VWA3B: variants seen among roughly 807,000 people sequenced by gnomAD.
VWA3B encodes von Willebrand factor A domain-containing protein 3B.
Under a neutral mutation model 158.3 loss-of-function variants are expected in VWA3B, and 138 were observed. The observed-to-expected ratio is 0.87, with a 90% CI of 0.76 to 1.00. VWA3B has a LOEUF of 1.00. VWA3B is among the 50% of genes least tolerant of loss of function. The pLI is 0.00. For synonymous variants in VWA3B, 596 were observed against 587.3 expected (o/e 1.01, Z -0.21); for missense variants, 1,555 against 1,565.1 (o/e 0.99, Z 0.11).
At chr2:98,165,153 G>T (rs1678960764) in intron 8 of VWA3B, among the ~76,000 whole-genome samples, 2 of 152,184 alleles carry the variant, frequency 1.3e-5, no homozygotes, top group South Asian at 4.1e-4. Flanking sequence ...TTTCCTTTGG[G>T]GCACACCTGG....
chr2:98,307,781 T>C (rs913621221), intron 26 of VWA3B, among the ~76,000 whole-genome samples: 1 of 152,252 alleles, frequency 6.6e-6, no homozygotes, highest in African/African-American at 2.4e-5. Flanking sequence ...AGACATGTAC[T>C]GTAGGTTACA....
At chr2:98,139,958 G>T (rs556156392) in intron 7 of VWA3B, among the ~76,000 whole-genome samples, 1 of 152,196 alleles carries the variant, frequency 6.6e-6, no homozygotes, top group East Asian at 1.9e-4. Flanking sequence ...CACCGCAAAG[G>T]TCTGCAGCTT....
intron 7 of VWA3B, among the ~76,000 whole-genome samples, chr2:98,135,909 T>A (rs187676004): frequency 6.9e-4 from 105 of 152,340 alleles, no homozygotes; most frequent in African/African-American, 2.5e-3. Context: ...CCTGATCACA[T>A]CTCTCTCCGT....
intron 12 of VWA3B, among the ~76,000 whole-genome samples, chr2:98,199,050 G>A (rs2105460637): frequency 6.7e-6 from 1 of 149,776 alleles, no homozygotes; most frequent in African/African-American, 2.5e-5. Context: ...TGGCGCCACT[G>A]CACTCCATCC....
intron 22 of VWA3B, among the ~76,000 whole-genome samples, chr2:98,271,224 A>C (rs140155506): frequency 3.7e-4 from 57 of 152,300 alleles, no homozygotes; most frequent in Non-Finnish European, 6.9e-4. Flanking sequence ...TTGGTTACTC[A>C]GTCTCTTTAA....
Position 98,128,424 on chromosome 2 carries a change from G to A in VWA3B, c.872+16G>A. On this transcript the variant is annotated intron_variant, in intron 6 of 27. Coordinates refer to ENST00000477737, the MANE Select transcript of VWA3B (RefSeq NM_144992.5). ...CCCACAGCAGGTAGGCAGAAAATGT[G>A]CTCTTGAGTGACAGCAAGCGGGTTG... 1.9e-6 allele frequency: 3 copies of A among 1,608,016 alleles called. No individual in the cohort carries two copies. In the South Asian group the frequency reaches 3.3e-5, roughly 18 times the overall value.
rs781556820 is a variant in VWA3B, at chr2:98,236,448, G to A, written c.2487G>A (p.Thr829=). The change falls in exon 18 of 28, where the codon ACG becomes ACA. Residue 829 remains threonine (T), a synonymous_variant. Coordinates refer to ENST00000477737, the MANE Select transcript of VWA3B (RefSeq NM_144992.5). ...WLDDKSSEKV[T]REGSQVYDHD... is the part of the protein sequence containing the mutation. ...ATGACAAATCGTCAGAAAAGGTGAC[G>A]CGAGAAGGAAGCCAGGTTTATGACC... The A allele has an allele frequency of 3.1e-5, 50 of 1,614,224 alleles. No individual in the cohort carries two copies. The highest frequency in any genetic ancestry group is 1.6e-4 in the Middle Eastern group (1 of 6,062).
intron 5 of VWA3B, 46 bp downstream of exon 5, chr2:98,121,504 C>T: frequency 6.3e-7 from 1 of 1,595,700 alleles, no homozygotes; most frequent in Non-Finnish European, 8.6e-7. Flanking sequence ...AGGTGGCTTC[C>T]AGCTTAACTC....
At chr2:98,269,794 T>G (rs1412337192) in intron 21 of VWA3B, among the ~76,000 whole-genome samples, 1 of 152,238 alleles carries the variant, frequency 6.6e-6, no homozygotes, top group Non-Finnish European at 1.5e-5. Context: ...TGTAGGGGAA[T>G]GAGGGCCTGG....
intron 7 of VWA3B, among the ~76,000 whole-genome samples, chr2:98,161,999 G>A (rs1040150314): frequency 4.6e-5 from 7 of 152,132 alleles, no homozygotes; most frequent in Non-Finnish European, 7.4e-5. Flanking sequence ...GTATGCCACC[G>A]TGCCCAGCCT....
At chr2:98,219,832 TA>T (rs1273200693) in intron 14 of VWA3B, among the ~76,000 whole-genome samples, 1 of 152,024 alleles carries the variant, frequency 6.6e-6, no homozygotes, top group Non-Finnish European at 1.5e-5. Context: ...GGACTGAAAA[TA>T]TCTTTCAAAG....
chr2:98,148,852 T>C lies in VWA3B; in HGVS notation c.989-13999T>C, dbSNP rs1013362153. On this transcript the variant is annotated intron_variant, in intron 7 of 27. Transcript: ENST00000477737. ...TCTCTTTCTAGTCTGAGGTTGGTCATGACCATTTGACCATGATTTGTTTTT... is the reference window on the plus strand; with the variant it reads ...TCTCTTTCTAGTCTGAGGTTGGTCACGACCATTTGACCATGATTTGTTTTT... 3.9e-5 allele frequency among the ~76,000 whole-genome samples: 6 copies of C among 152,232 alleles called. No individual in the cohort carries two copies. In the East Asian group the frequency reaches 1.2e-3, roughly 29 times the overall value.
chr2:98,302,981 A>T (rs1250337146), intron 25 of VWA3B, among the ~76,000 whole-genome samples: 1 of 152,186 alleles, frequency 6.6e-6, no homozygotes. Flanking sequence ...CCTTGGAGAA[A>T]ATGGAGTTTC....
Position 98,230,214 on chromosome 2 carries a change from G to C in VWA3B, c.2308+7G>C, listed in dbSNP as rs757725548. The C allele has an allele frequency of 6.5e-7, 1 of 1,547,520 alleles. No homozygotes were observed. On this transcript the variant is annotated splice_region_variant and intron_variant, in intron 16 of 27. Coordinates refer to ENST00000477737, the MANE Select transcript of VWA3B (RefSeq NM_144992.5). ...AAGAAAGTCCTTCACGCAGGTATCA[G>C]TGAACAAAATGGCTTGACTCTTTGC...
chr2:98,300,193 G>T lies in VWA3B; in HGVS notation c.3397G>T (p.Val1133Phe), dbSNP rs768450638. The change falls in exon 25 of 28, where the codon GTT (valine) becomes TTT (phenylalanine). Residue 1133 changes from valine (V) to phenylalanine (F), a missense_variant. Physicochemically the swap from Val to Phe is conservative, Grantham distance 50 (BLOSUM62 -1). Coordinates refer to ENST00000477737, the MANE Select transcript of VWA3B (RefSeq NM_144992.5). Reference sequence around the variant, plus strand: ...TGTGGCCACAGAAAAATTCTACACAGTTTTGAAGTGTAACAACCGGAGAGT... The same window carrying T: ...TGTGGCCACAGAAAAATTCTACACATTTTTGAAGTGTAACAACCGGAGAGT... ...KHVATEKFYT[V>F]LKCNNRREFC... 42 of 1,614,228 alleles carry T rather than the reference G, an allele frequency of 2.6e-5. No homozygotes were observed. The highest frequency in any genetic ancestry group is 3.3e-5 in the Non-Finnish European group (39 of 1,180,046).
chr2:98,129,709 A>G (rs571371518), intron 6 of VWA3B, among the ~76,000 whole-genome samples: 27 of 151,316 alleles, frequency 1.8e-4, no homozygotes, highest in Non-Finnish European at 3.5e-4. Context: ...GTGTGTGTGT[A>G]TGTGTGTGTG....
chr2:98,149,012 C>G (rs1677396761), intron 7 of VWA3B, among the ~76,000 whole-genome samples: 1 of 152,190 alleles, frequency 6.6e-6, no homozygotes, highest in Non-Finnish European at 1.5e-5. Context: ...TCTGTGCTGT[C>G]TCATTCAAGG....
chr2:98,284,983 A>G (rs542391768), intron 22 of VWA3B, among the ~76,000 whole-genome samples: 13 of 152,290 alleles, frequency 8.5e-5, no homozygotes, highest in African/African-American at 3.1e-4. Context: ...AGTATATGCA[A>G]AATATTATGA....
chr2:98,123,363 G>A lies in VWA3B; in HGVS notation c.702+1905G>A, dbSNP rs543605996. On this transcript the variant is annotated intron_variant, in intron 5 of 27. Coordinates refer to ENST00000477737, the MANE Select transcript of VWA3B (RefSeq NM_144992.5). ...CTTGTGCCCACAAATTAACATGCAA[G>A]TCCCGTTTCTATACCAAGCCCACAT... Among the ~76,000 whole-genome samples, 274 of 152,310 alleles carry A rather than the reference G, an allele frequency of 1.8e-3. 2 individuals carry two copies. Among genetic ancestry groups the A allele is most frequent in the Middle Eastern group, 0.01 (3 of 294 alleles).
Sources: allele counts gnomAD v4.1 joint callset (sites outside exome capture counted in the v4.1 genomes callset), GRCh38; gene constraint gnomAD v4.1.1; transcripts MANE v1.5; gene names NCBI Gene and HGNC (gene_info 2026-07-23, HGNC 2026-07-21).